Variants in VPS8 observed in about 807,000 individuals in gnomAD.
VPS8 encodes VPS8 subunit of CORVET complex, also known as vacuolar protein sorting-associated protein 8 homolog.
In VPS8, 129 loss-of-function variants were observed where a neutral mutation model predicts 216.4. The ratio of observed to expected loss-of-function variants is 0.60; its 90% CI spans 0.52 to 0.69. The LOEUF is 0.69. Ranked by LOEUF, VPS8 falls within the 30% of genes least tolerant of loss-of-function variation. The pLI is 0.00. For missense variants in VPS8, 1,531 were observed against 1,683.5 expected (o/e 0.91, Z 1.59); for synonymous variants, 571 against 565.4 (o/e 1.01, Z -0.14).
At chr3:184,873,868 T>A (rs1728780274) in intron 21 of VPS8, among the ~76,000 whole-genome samples, 1 of 152,126 alleles carries the variant, frequency 6.6e-6, no homozygotes, top group South Asian at 2.1e-4. Flanking sequence ...TTGCGTCAAT[T>A]TTCAAATAAG....
At chr3:185,019,637 G>C (rs1187176649) in intron 45 of VPS8, among the ~76,000 whole-genome samples, 1 of 152,224 alleles carries the variant, frequency 6.6e-6, no homozygotes, top group Non-Finnish European at 1.5e-5. Context: ...CACCTTAAGT[G>C]GTTTTCCACC....
intron 36 of VPS8, among the ~76,000 whole-genome samples, chr3:184,951,881 C>G (rs1047103698): frequency 2.0e-5 from 3 of 152,284 alleles, no homozygotes; most frequent in Non-Finnish European, 2.9e-5. Context: ...GATTATTTCC[C>G]ATCAGACACG....
chr3:184,871,722 A>T (rs562252582), intron 21 of VPS8, among the ~76,000 whole-genome samples: 1 of 152,298 alleles, frequency 6.6e-6, no homozygotes, highest in Admixed American at 6.5e-5. Flanking sequence ...TTTGTAGTCT[A>T]GTCAAAATAA....
At chr3:184,908,875 G>A (rs779826996) in intron 25 of VPS8, among the ~76,000 whole-genome samples, 1 of 152,234 alleles carries the variant, frequency 6.6e-6, no homozygotes, top group African/African-American at 2.4e-5. Context: ...TCAGAATAGG[G>A]GAGGGGCAGG....
At chr3:184,889,000 A>T (rs1196631843) in intron 22 of VPS8, among the ~76,000 whole-genome samples, 3 of 152,214 alleles carry the variant, frequency 2.0e-5, no homozygotes, top group Non-Finnish European at 2.9e-5. Context: ...AGGGAAAAAA[A>T]TTGATTATGT....
chr3:185,034,609 TTTG>T (rs71632042), intron 46 of VPS8, among the ~76,000 whole-genome samples: 19,877 of 145,426 alleles, frequency 0.14, 1,378 homozygotes, highest in African/African-American at 0.17. Flanking sequence ...CGTTGATAGT[TTTG>T]TTGTTGTTGT....
intron 43 of VPS8, 149 bp downstream of exon 43, chr3:184,994,212 T>A (rs908999526): frequency 1.8e-6 from 1 of 553,198 alleles, no homozygotes; most frequent in Non-Finnish European, 3.0e-6. Context: ...TTCTTTTAGT[T>A]TTTCTCTCGC....
rs899215172 is a variant in VPS8, at chr3:185,052,321, C to A, written c.*296C>A. The stretch of plus-strand genomic sequence containing the variant: ...TTTAGGAAATACATTTCGCCTATTG[C>A]GACTTTTTCCATTTACCCTGAAGCC... On this transcript the variant is annotated 3_prime_UTR_variant, in exon 48 of 48. Coordinates refer to ENST00000625842, the MANE Select transcript of VPS8 (RefSeq NM_001009921.3). The A allele has an allele frequency of 4.0e-6, 1 of 249,918 alleles. No individual in the cohort carries two copies. Among genetic ancestry groups the A allele is most frequent in the Non-Finnish European group, 7.6e-6 (1 of 131,436 alleles). 15.5% of individuals were successfully genotyped at this position (249,918 alleles called of 1,614,324 possible). A position where few individuals can be genotyped will look rare whatever the true frequency, so the allele number is the denominator to read the frequency against.
chr3:185,040,966 G>T (rs1193877618), intron 46 of VPS8, among the ~76,000 whole-genome samples: 1 of 152,156 alleles, frequency 6.6e-6, no homozygotes. Flanking sequence ...ACTTTGGGAG[G>T]CCAAGGCGGG....
chr3:184,857,206 A>C (rs932530809), intron 14 of VPS8, among the ~76,000 whole-genome samples: 3 of 152,250 alleles, frequency 2.0e-5, no homozygotes, highest in Non-Finnish European at 4.4e-5. Flanking sequence ...TGGAAAATAT[A>C]ATTGAATAGA....
chr3:184,840,716 A>T (rs973564053), intron 7 of VPS8, among the ~76,000 whole-genome samples: 3 of 151,954 alleles, frequency 2.0e-5, no homozygotes, highest in South Asian at 2.1e-4. Flanking sequence ...CACCTCAAAA[A>T]AATAATAATA....
intron 39 of VPS8, among the ~76,000 whole-genome samples, chr3:184,970,440 G>T (rs1748223295): frequency 6.6e-6 from 1 of 152,176 alleles, no homozygotes; most frequent in East Asian, 1.9e-4. Flanking sequence ...AAGGTGTGTG[G>T]AAAATTACAG....
Position 185,051,965 on chromosome 3 carries a change from C to T in VPS8, c.4227C>T (p.Ser1409=). 6 of 1,613,332 alleles carry T rather than the reference C, an allele frequency of 3.7e-6. No individual in the cohort carries two copies. The highest frequency in any genetic ancestry group is 1.1e-5 in the South Asian group (1 of 90,934). The change falls in exon 48 of 48, where the codon AGC becomes AGT. Residue 1409 remains serine (S), a synonymous_variant. Transcript: ENST00000625842. ...SGSQSAPAFN[S]IFQNENFQLQ... is the part of the protein sequence containing the mutation. The stretch of plus-strand genomic sequence containing the variant: ...CGCAGAGTGCTCCTGCTTTCAACAG[C>T]ATCTTCCAGAATGAGAACTTCCAGC...
chr3:184,902,460 G>A (rs1442767732), intron 25 of VPS8, among the ~76,000 whole-genome samples: 1 of 151,186 alleles, frequency 6.6e-6, no homozygotes, highest in Admixed American at 6.6e-5. Context: ...TCCAGCTTGG[G>A]CGACAGAGCA....
At chr3:184,887,028 G>A (rs1024537851) in intron 22 of VPS8, among the ~76,000 whole-genome samples, 6 of 152,116 alleles carry the variant, frequency 3.9e-5, no homozygotes, top group African/African-American at 9.7e-5. Context: ...GGCTTTGTTA[G>A]TTTAAATTGT....
At chr3:185,047,944 G>T (rs1025771417) in intron 46 of VPS8, among the ~76,000 whole-genome samples, 1 of 152,174 alleles carries the variant, frequency 6.6e-6, no homozygotes, top group African/African-American at 2.4e-5. Context: ...CACAATAACA[G>T]GTGGAACAAA....
chr3:184,992,337 A>G (rs531077584), intron 42 of VPS8, among the ~76,000 whole-genome samples: 39 of 152,312 alleles, frequency 2.6e-4, no homozygotes, highest in African/African-American at 9.1e-4. Flanking sequence ...TCATTAGTTT[A>G]TCATTTACTT....
Position 184,894,742 on chromosome 3 carries a change from G to T in VPS8, c.1821G>T (p.Glu607Asp), listed in dbSNP as rs773513236. ...LFSQMYDKLS[E>D]NSVAKGVFLE... ...GTCAGATGTATGATAAATTAAGTGA[G>T]AATTCAGTGGCCAAAGGAGTATTTT... Residue 607 changes from glutamate to aspartate, a missense_variant, in exon 23 of 48, where the codon GAG becomes GAT. Glu to Asp is a conservative substitution (Grantham distance 45). This residue lies in a region of VPS8 where 1,318 missense variants were observed against 1,468.4 expected (regional missense o/e 0.90). Coordinates refer to ENST00000625842, the MANE Select transcript of VPS8 (RefSeq NM_001009921.3). 1 of 1,607,782 alleles carries T rather than the reference G, an allele frequency of 6.2e-7. No individual in the cohort carries two copies. The highest frequency in any genetic ancestry group is 2.2e-5 in the East Asian group (1 of 44,746).
At chr3:184,826,609 A>G (rs1718837241) in intron 3 of VPS8, among the ~76,000 whole-genome samples, 1 of 152,236 alleles carries the variant, frequency 6.6e-6, no homozygotes, top group Admixed American at 6.5e-5. Flanking sequence ...AATGCCTAAT[A>G]CTTGGCAGAC....
Sources: gnomAD v4.1 joint callset for allele counts (sites outside exome capture counted in the v4.1 genomes callset) on GRCh38, gnomAD v4.1.1 for gene constraint, gnomAD v4.1.1 regional missense constraint, MANE v1.5 for transcripts, NCBI Gene and HGNC (gene_info 2026-07-23, HGNC 2026-07-21) for gene names.